Variants in LRP5 observed in about 807,000 individuals in gnomAD.
LRP5 encodes LDL receptor related protein 5.
Under a neutral mutation model 154.1 loss-of-function variants are expected in LRP5, and 62 were observed. The ratio of observed to expected loss-of-function variants is 0.40; its 90% CI spans 0.33 to 0.50. The LOEUF (loss-of-function observed/expected upper bound fraction) is 0.50, where lower values mean the gene tolerates loss of function less well. Among genes scored for constraint, LRP5 ranks in the 20% least tolerant of loss-of-function variants. LRP5 has a pLI of 0.55. For missense variants in LRP5, 1,915 were observed against 2,336.7 expected (o/e 0.82, Z 3.72); for synonymous variants, 966 against 1,011.5 (o/e 0.96, Z 0.85).
intron 17 of LRP5, 41 bp downstream of exon 17, chr11:68,429,741 T>A: frequency 1.2e-6 from 2 of 1,613,238 alleles, no homozygotes; most frequent in Non-Finnish European, 1.7e-6. Context: ...GATGGACAGG[T>A]ACCTGATTCT....
intron 1 of LRP5, among the ~76,000 whole-genome samples, chr11:68,339,229 G>A (rs1398924404): frequency 3.3e-5 from 5 of 151,504 alleles, no homozygotes; most frequent in South Asian, 2.1e-4. Context: ...AGGCTGGAGC[G>A]CAGTGGCACA....
chr11:68,420,959 G>T (rs1248951583), intron 13 of LRP5, among the ~76,000 whole-genome samples: 2 of 152,170 alleles, frequency 1.3e-5, no homozygotes, highest in Non-Finnish European at 2.9e-5. Flanking sequence ...GGGCGCGGTG[G>T]CTCACGCCTG....
chr11:68,433,629 T>C lies in LRP5; in HGVS notation c.3791T>C (p.Phe1264Ser). ...CCGCCCACCTGCTCCCCGGACCAGT[T>C]TGCATGTGCCACAGGGGAGATCGAC... ...GEPPTCSPDQ[F>S]ACATGEIDCI... The change falls in exon 18 of 23, where the codon TTT becomes TCT. Residue 1264 changes from phenylalanine to serine, a missense_variant. Transcript: ENST00000294304. 6.2e-7 allele frequency: 1 copy of C among 1,613,534 alleles called. No homozygotes were observed. The highest frequency in any genetic ancestry group is 2.2e-5 in the East Asian group (1 of 44,888).
intron 13 of LRP5, among the ~76,000 whole-genome samples, chr11:68,417,949 T>C (rs2098663505): frequency 6.6e-6 from 1 of 151,494 alleles, no homozygotes; most frequent in South Asian, 2.1e-4. Flanking sequence ...AAATAAAAAA[T>C]AGAAAAACAA....
intron 1 of LRP5, among the ~76,000 whole-genome samples, chr11:68,319,179 C>T (rs1438753860): frequency 1.3e-5 from 2 of 150,834 alleles, no homozygotes; most frequent in South Asian, 2.1e-4. Context: ...CTGGTTCAAG[C>T]GATTCTTGTG....
intron 1 of LRP5, among the ~76,000 whole-genome samples, chr11:68,327,409 C>T (rs1276748074): frequency 6.6e-6 from 1 of 152,232 alleles, no homozygotes; most frequent in East Asian, 1.9e-4. Context: ...CACCCCAGCG[C>T]CTCTGCGGAT....
At chr11:68,313,138 G>T (rs1386763128) in intron 1 of LRP5, among the ~76,000 whole-genome samples, 1 of 150,330 alleles carries the variant, frequency 6.7e-6, no homozygotes, top group Non-Finnish European at 1.5e-5. Flanking sequence ...GGCCCGTGTG[G>T]CCCGGGCCGG....
chr11:68,423,760 C>A lies in LRP5; in HGVS notation c.3236+63C>A. On this transcript the variant is annotated intron_variant, in intron 14 of 22. Transcript: ENST00000294304. This position sits in a 1 kb window ranked among gnomAD's most constrained non-coding sequence, Gnocchi z 4.7. ...CAGGCGTGCCCGCCGTGTCTTCTGC[C>A]GAATGCCAGCCTCTCACAGGCTGGG... 6.7e-7 allele frequency: 1 copy of A among 1,495,628 alleles called. No individual in the cohort carries two copies. The allele number at this position is 1,495,628 out of a possible 1,614,324, so 92.6% of individuals were successfully genotyped here.
At chr11:68,383,495 T>C (rs1479535315) in intron 5 of LRP5, among the ~76,000 whole-genome samples, 1 of 152,196 alleles carries the variant, frequency 6.6e-6, no homozygotes, top group Non-Finnish European at 1.5e-5. Flanking sequence ...AAGTCATAGC[T>C]AGACAGGGAC....
In LRP5 at chr11:68,416,427, T is replaced by C. The variant is rs2098662577; in HGVS notation, c.2927T>C (p.Leu976Pro). The change falls in exon 13 of 23, where the codon CTG becomes CCG. Residue 976 changes from leucine to proline, a missense_variant. Transcript: ENST00000294304. ...GATCTCATCCTGCCCCTGCATGGAC[T>C]GAGGAACGTCAAAGCCATCGACTAT... Reference protein sequence around the residue: ...SPDLILPLHGLRNVKAIDYDP... With the variant: ...SPDLILPLHGPRNVKAIDYDP... 6.2e-7 allele frequency: 1 copy of C among 1,614,176 alleles called. No individual in the cohort carries two copies. The highest frequency in any genetic ancestry group is 1.1e-5 in the South Asian group (1 of 91,078).
chr11:68,308,083 C>T (rs1175159871), upstream of LRP5, among the ~76,000 whole-genome samples: 1 of 152,236 alleles, frequency 6.6e-6, no homozygotes, highest in East Asian at 1.9e-4. Context: ...GCTCCTGGGG[C>T]AGGTTGCTGA....
chr11:68,362,989 A>T (rs2098628900), intron 3 of LRP5, among the ~76,000 whole-genome samples: 1 of 152,146 alleles, frequency 6.6e-6, no homozygotes, highest in Non-Finnish European at 1.5e-5. Context: ...TCCTGTTTCC[A>T]GTGTCCATAA....
At chr11:68,370,755 T>C (rs1565352295) in intron 5 of LRP5, among the ~76,000 whole-genome samples, 1 of 152,196 alleles carries the variant, frequency 6.6e-6, no homozygotes, top group East Asian at 1.9e-4. Context: ...GAAAAACATT[T>C]TGTGTCATTT....
Position 68,386,342 on chromosome 11 carries a change from C to T in LRP5, c.1042C>T (p.Arg348Trp), listed in dbSNP as rs1320065036. The part of the protein sequence containing the change: ...AGAEEVLLLA[R>W]RTDLRRISLD... Reference sequence around the variant, plus strand: ...AGCCGAGGAGGTGCTGCTGCTGGCCCGGCGGACGGACCTACGGAGGATCTC... The same window carrying T: ...AGCCGAGGAGGTGCTGCTGCTGGCCTGGCGGACGGACCTACGGAGGATCTC... Residue 348 changes from arginine (R) to tryptophan (W), a missense_variant, in exon 6 of 23, where the codon CGG becomes TGG. Physicochemically the swap from Arg to Trp is moderately radical, Grantham distance 101 (BLOSUM62 -3). Around this residue, in one of 3 missense-constraint regions of LRP5, gnomAD observed 773 missense variants for 1,100.9 expected, o/e 0.70. Transcript: ENST00000294304. This position sits in a 1 kb window ranked among gnomAD's most constrained non-coding sequence, Gnocchi z 7.9. 5.6e-6 allele frequency: 9 copies of T among 1,612,796 alleles called. No individual in the cohort carries two copies. Among genetic ancestry groups the T allele is most frequent in the Admixed American group, 1.7e-5 (1 of 60,004 alleles).
chr11:68,437,612 C>T (rs964363965), intron 19 of LRP5, among the ~76,000 whole-genome samples: 1 of 152,242 alleles, frequency 6.6e-6, no homozygotes, highest in African/African-American at 2.4e-5. Flanking sequence ...GCCACTCCTT[C>T]GCTGCAGAGG....
chr11:68,315,955 A>G (rs1304828019), intron 1 of LRP5, among the ~76,000 whole-genome samples: 1 of 152,116 alleles, frequency 6.6e-6, no homozygotes, highest in Non-Finnish European at 1.5e-5. Flanking sequence ...ATTGAGGTGA[A>G]ACTTATATAA....
intron 1 of LRP5, among the ~76,000 whole-genome samples, chr11:68,317,754 T>G (rs1591166742): frequency 6.6e-6 from 1 of 152,204 alleles, no homozygotes; most frequent in East Asian, 1.9e-4. Flanking sequence ...GTTGACACTT[T>G]GCTGGCCTGA....
chr11:68,365,522 T>C, intron 4 of LRP5, 49 bp from the exon 5 acceptor site: 1 of 1,612,662 alleles, frequency 6.2e-7, no homozygotes, highest in African/African-American at 1.3e-5. Flanking sequence ...CAGAAACAAG[T>C]GACGGTCCTC....
rs560945701 is a variant in LRP5 at position 68,318,190 on chromosome 11, A to G, written c.91+5385A>G. On this transcript the variant is annotated intron_variant, in intron 1 of 22. Coordinates refer to ENST00000294304, the MANE Select transcript of LRP5 (RefSeq NM_002335.4). ...CTGCCTCAGCCTCCTGAGTAGCTGGAACTACAGGCACCCGCCACCACGCCC... is the reference window on the plus strand; with the variant it reads ...CTGCCTCAGCCTCCTGAGTAGCTGGGACTACAGGCACCCGCCACCACGCCC... Among the ~76,000 whole-genome samples the G allele has an allele frequency of 2.4e-3, 362 of 151,370 alleles. 2 individuals are homozygous for G. Among genetic ancestry groups the G allele is most frequent in the African/African-American group, 8.6e-3 (353 of 41,198 alleles).
Sources: allele counts gnomAD v4.1 joint callset (sites outside exome capture counted in the v4.1 genomes callset), GRCh38; gene constraint gnomAD v4.1.1; regional missense constraint gnomAD v4.1.1; non-coding constraint Gnocchi (gnomAD v3.1); transcripts MANE v1.5; gene names NCBI Gene and HGNC (gene_info 2026-07-23, HGNC 2026-07-21).